The following TIFA variants were observed in gnomAD, a reference collection of about 807,000 sequenced individuals.
The protein encoded by TIFA is TRAF interacting protein with forkhead associated domain.
For missense variants in TIFA, 186 were observed against 215.2 expected (o/e 0.86, Z 0.85); for synonymous variants, 75 against 79.2 (o/e 0.95, Z 0.28).
In TIFA at chr4:112,278,064, C is replaced by T; in HGVS notation, c.353G>A (p.Arg118Lys). The T allele has an allele frequency of 6.2e-7, 1 of 1,614,056 alleles. No individual in the cohort carries two copies. Among genetic ancestry groups the T allele is most frequent in the South Asian group, 1.1e-5 (1 of 91,080 alleles). ...KMDLPYRCMV[R>K]FGEYQFLMEK... ...CATCAGAAACTGATACTCTCCGAAT[C>T]TGACCATGCACCTGTATGGCAGGTC... Residue 118 changes from arginine to lysine, a missense_variant, in exon 2 of 2, where the codon AGA (arginine) becomes AAA (lysine). Coordinates refer to ENST00000361717, the MANE Select transcript of TIFA (RefSeq NM_052864.3).
At chr4:112,283,128 T>G (rs190042573) in intron 1 of TIFA, among the ~76,000 whole-genome samples, 1 of 152,334 alleles carries the variant, frequency 6.6e-6, no homozygotes, top group Admixed American at 6.5e-5. Flanking sequence ...GAGACAGGAC[T>G]CAAACTCCAA....
In TIFA at chr4:112,275,823, A is replaced by G. The variant is rs1418440031; in HGVS notation, c.*2039T>C. The stretch of plus-strand genomic sequence containing the variant: ...AAACACATTCATCAGCCTCAAAGAC[A>G]AGAAACAGAGGTGAAAGTCTTCCAA... On this transcript the variant is annotated 3_prime_UTR_variant, in exon 2 of 2. Coordinates refer to ENST00000361717, the MANE Select transcript of TIFA (RefSeq NM_052864.3). The G allele has an allele frequency of 6.6e-6, 1 of 152,208 alleles. No individual in the cohort carries two copies. 9.4% of individuals were successfully genotyped at this position (152,208 alleles called of 1,614,324 possible).
chr4:112,283,746 G>C (rs1417565537), intron 1 of TIFA, among the ~76,000 whole-genome samples: 1 of 152,038 alleles, frequency 6.6e-6, no homozygotes, highest in Admixed American at 6.6e-5. Flanking sequence ...AGAAACTGGG[G>C]GCCCAGGATA....
In TIFA at chr4:112,277,674, G is replaced by GCCGTAT; in HGVS notation, c.*187_*188insATACGG. ...GTTAAAATAATTTTGTGTAGATCCA[G>GCCGTAT]AATACAACAGGTGACTAAGTTAATG... is the stretch of plus-strand genomic sequence containing the variant. On this transcript the variant is annotated 3_prime_UTR_variant, in exon 2 of 2. Coordinates refer to ENST00000361717, the MANE Select transcript of TIFA (RefSeq NM_052864.3). 1.6e-5 allele frequency: 7 copies of GCCGTAT among 431,834 alleles called. No individual in the cohort carries two copies. Among genetic ancestry groups the GCCGTAT allele is most frequent in the South Asian group, 6.0e-5 (1 of 16,780 alleles). The allele number at this position is 431,834 out of a possible 1,614,324, so 26.8% of individuals were successfully genotyped here.
At position 112,285,287 on chromosome 4, in the gene TIFA, G is replaced by A. The variant is rs140628112; in HGVS notation, c.-19+353C>T. Among the ~76,000 whole-genome samples, 491 of 151,704 alleles carry A rather than the reference G, an allele frequency of 3.2e-3. 2 individuals carry two copies. Among genetic ancestry groups the A allele is most frequent in the African/African-American group, 0.012 (476 of 41,358 alleles). Reference sequence around the variant, plus strand: ...CGTAGCAGTTGGCAAGCGGGGGAGGGGGGTCACGCACAACTGCTCTGGAGC... The same window carrying A: ...CGTAGCAGTTGGCAAGCGGGGGAGGAGGGTCACGCACAACTGCTCTGGAGC... On this transcript the variant is annotated intron_variant, in intron 1 of 1. Transcript: ENST00000361717.
chr4:112,280,343 C>CTTTT (rs34544244), intron 1 of TIFA, among the ~76,000 whole-genome samples: 2 of 76,742 alleles, frequency 2.6e-5, no homozygotes, highest in Admixed American at 1.8e-4. Flanking sequence ...CTGGCATTTC[C>CTTTT]TTTTTTTTTT....
rs1727165462 is a variant in TIFA at position 112,278,502 on chromosome 4, G to A, written c.-18-68C>T. 5.2e-6 allele frequency: 7 copies of A among 1,350,262 alleles called. No homozygotes were observed. The South Asian group carries it at 6.0e-5, about 12-fold the overall frequency. 83.6% of individuals were successfully genotyped at this position (1,350,262 alleles called of 1,614,324 possible). A position where few individuals can be genotyped will look rare whatever the true frequency, so the allele number is the denominator to read the frequency against. ...AGGCATTGAGAACTTTGATTCTAAC[G>A]TTTTGATGAACATCATCTGATAGGC... On this transcript the variant is annotated intron_variant, in intron 1 of 1. Transcript: ENST00000361717.
chr4:112,283,498 G>A (rs1420200208), intron 1 of TIFA, among the ~76,000 whole-genome samples: 1 of 152,146 alleles, frequency 6.6e-6, no homozygotes, highest in Non-Finnish European at 1.5e-5. Context: ...TATCCTCAAA[G>A]CCACAGAGTC....
intron 1 of TIFA, chr4:112,281,681 T>C (rs1425210138): frequency 6.6e-6 from 1 of 151,206 alleles, no homozygotes; most frequent in Non-Finnish European, 1.5e-5. Flanking sequence ...AGTGACTTAC[T>C]TCCAAGCAGA....
Position 112,284,320 on chromosome 4 carries a change from C to T in TIFA, c.-19+1320G>A, listed in dbSNP as rs567810473. Among the ~76,000 whole-genome samples the T allele has an allele frequency of 2.0e-5, 3 of 152,252 alleles. No homozygotes were observed. In the South Asian group the frequency reaches 6.2e-4, roughly 32 times the overall value. The stretch of plus-strand genomic sequence containing the variant: ...ACACACACACACACACACACGTACA[C>T]ACACACTCACTAAGGTCCTGCAAAG... On this transcript the variant is annotated intron_variant, in intron 1 of 1. Transcript: ENST00000361717.
chr4:112,278,058 C>T lies in TIFA; in HGVS notation c.359G>A (p.Gly120Glu). The T allele has an allele frequency of 6.2e-7, 1 of 1,613,992 alleles. No individual in the cohort carries two copies. The highest frequency in any genetic ancestry group is 1.1e-5 in the South Asian group (1 of 91,058). ...CTTCTCCATCAGAAACTGATACTCT[C>T]CGAATCTGACCATGCACCTGTATGG... ...DLPYRCMVRF[G>E]EYQFLMEKED... Residue 120 changes from glycine to glutamate, a missense_variant, in exon 2 of 2, where the codon GGA becomes GAA. By Grantham distance (98) the Gly-to-Glu change is moderately conservative. Transcript: ENST00000361717.
At chr4:112,281,182 C>T (rs150561624) in intron 1 of TIFA, among the ~76,000 whole-genome samples, 17 of 152,314 alleles carry the variant, frequency 1.1e-4, no homozygotes, top group African/African-American at 3.8e-4. Context: ...TTACAATATG[C>T]TGCCATCAAT....
At position 112,276,020 on chromosome 4, in the gene TIFA, T is replaced by C. The variant is rs888435337; in HGVS notation, c.*1842A>G. On this transcript the variant is annotated 3_prime_UTR_variant, in exon 2 of 2. Transcript: ENST00000361717. ...AAAGAATCAATAGTAGATAACCTTA[T>C]ATTAAAGGGAGTATATTAGTTTTCT... 2 of 152,196 alleles carry C rather than the reference T, an allele frequency of 1.3e-5. No individual in the cohort carries two copies. The highest frequency in any genetic ancestry group is 2.9e-5 in the Non-Finnish European group (2 of 68,028). 9.4% of individuals were successfully genotyped at this position (152,196 alleles called of 1,614,324 possible).
In TIFA at chr4:112,278,210, C is replaced by G. The variant is rs1425275876; in HGVS notation, c.207G>C (p.Gln69His). The change falls in exon 2 of 2, where the codon CAG becomes CAC. Residue 69 changes from glutamine (Q) to histidine (H), a missense_variant. Transcript: ENST00000361717. ...TFQDKQVSRV[Q>H]FSLQLFKKFN... is the part of the protein sequence containing the mutation. ...ATTTTTTAAACAGCTGCAGAGAAAA[C>G]TGAACTCGGGAAACCTGTTTGTCCT... The G allele has an allele frequency of 6.2e-7, 1 of 1,613,016 alleles. No homozygotes were observed. The highest frequency in any genetic ancestry group is 8.5e-7 in the Non-Finnish European group (1 of 1,179,722).
In TIFA at chr4:112,277,555, C is replaced by A; in HGVS notation, c.*307G>T. The A allele has an allele frequency of 5.2e-6, 1 of 191,856 alleles. No individual in the cohort carries two copies. The highest frequency in any genetic ancestry group is 1.1e-5 in the Non-Finnish European group (1 of 93,112). 11.9% of individuals were successfully genotyped at this position (191,856 alleles called of 1,614,324 possible). A position where few individuals can be genotyped will look rare whatever the true frequency, so the allele number is the denominator to read the frequency against. ...AGCAAAACACAAGATGAAAATCAAG[C>A]AGAAAAAGAAAATAATATAACCTTA... On this transcript the variant is annotated 3_prime_UTR_variant, in exon 2 of 2. Coordinates refer to ENST00000361717, the MANE Select transcript of TIFA (RefSeq NM_052864.3).
rs965323127 is a variant in TIFA, at chr4:112,277,096, T to C, written c.*766A>G. The C allele has an allele frequency of 1.3e-5, 2 of 152,198 alleles. No individual in the cohort carries two copies. The highest frequency in any genetic ancestry group is 4.8e-5 in the African/African-American group (2 of 41,450). The allele number at this position is 152,198 out of a possible 1,614,324, so 9.4% of individuals were successfully genotyped here. The stretch of plus-strand genomic sequence containing the variant: ...TTCAAAGAAAATGGCTAATTAAACT[T>C]TGATTTTATTATGTACATGGATACT... On this transcript the variant is annotated 3_prime_UTR_variant, in exon 2 of 2. Transcript: ENST00000361717.
chr4:112,278,968 A>G (rs1432483837), intron 1 of TIFA, among the ~76,000 whole-genome samples: 1 of 152,256 alleles, frequency 6.6e-6, no homozygotes, highest in African/African-American at 2.4e-5. Flanking sequence ...AACAATTGTA[A>G]CATTTATCCT....
intron 1 of TIFA, among the ~76,000 whole-genome samples, chr4:112,285,258 G>C (rs1370211623): frequency 1.3e-5 from 2 of 151,990 alleles, no homozygotes; most frequent in Non-Finnish European, 2.9e-5. Flanking sequence ...CGAGAGCGTG[G>C]GGCCGTAGCA....
intron 1 of TIFA, among the ~76,000 whole-genome samples, chr4:112,284,135 G>GTA (rs1301488991): frequency 6.6e-6 from 1 of 152,208 alleles, no homozygotes; most frequent in Non-Finnish European, 1.5e-5. Flanking sequence ...ACATCAGGAT[G>GTA]TATACACTTA....
Sources: gnomAD v4.1 joint callset for allele counts (sites outside exome capture counted in the v4.1 genomes callset) on GRCh38, gnomAD v4.1.1 for gene constraint, MANE v1.5 for transcripts, NCBI Gene and HGNC (gene_info 2026-07-23, HGNC 2026-07-21) for gene names.